PARD3B: variants seen among roughly 807,000 people sequenced by gnomAD.
The protein encoded by PARD3B is par-3 family cell polarity regulator beta.
A neutral mutation model predicts 130.2 loss-of-function variants in PARD3B; 103 were observed. That is an observed-to-expected ratio of 0.79 (90% CI 0.67 to 0.93). The LOEUF (loss-of-function observed/expected upper bound fraction) is 0.93, where lower values mean the gene tolerates loss of function less well. PARD3B is among the 40% of genes least tolerant of loss of function. The pLI is 0.00. For synonymous variants in PARD3B, 583 were observed against 553.2 expected (o/e 1.05, Z -0.76); for missense variants, 1,609 against 1,499.2 (o/e 1.07, Z -1.21).
intron 10 of PARD3B, among the ~76,000 whole-genome samples, chr2:205,144,727 T>C (rs545703073): frequency 6.6e-6 from 1 of 152,314 alleles, no homozygotes; most frequent in African/African-American, 2.4e-5. Context: ...TTTAAGTGGT[T>C]GTTACCCACT....
rs78712954 is a variant in PARD3B at position 204,592,350 on chromosome 2, A to G, written c.120+46231A>G. Among the ~76,000 whole-genome samples the G allele has an allele frequency of 1.9e-3, 285 of 152,328 alleles. 3 individuals are homozygous for G. Among genetic ancestry groups the G allele is most frequent in the African/African-American group, 6.6e-3 (275 of 41,576 alleles). On this transcript the variant is annotated intron_variant, in intron 1 of 22. Coordinates refer to ENST00000406610, the MANE Select transcript of PARD3B (RefSeq NM_001302769.2). ...TGTGAGCTTATTTAACCCCTATGTA[A>G]AGAGATTATTTTGGTAACAAGAGGT...
At chr2:204,797,279 A>G (rs2042408926) in intron 2 of PARD3B, among the ~76,000 whole-genome samples, 1 of 152,148 alleles carries the variant, frequency 6.6e-6, no homozygotes, top group South Asian at 2.1e-4. Flanking sequence ...GAATTATAAC[A>G]TATGAAATAA....
intron 1 of PARD3B, among the ~76,000 whole-genome samples, chr2:204,605,223 A>G (rs939236168): frequency 6.6e-6 from 1 of 152,122 alleles, no homozygotes; most frequent in African/African-American, 2.4e-5. Flanking sequence ...ATTCAAGGAG[A>G]GGGGAATTAG....
chr2:205,129,901 A>T (rs1234805682), intron 10 of PARD3B, among the ~76,000 whole-genome samples: 1 of 152,138 alleles, frequency 6.6e-6, no homozygotes, highest in Non-Finnish European at 1.5e-5. Flanking sequence ...CCTGCCACCT[A>T]AAAGAACTGT....
chr2:205,168,659 CTT>C lies in PARD3B; in HGVS notation c.1621-3537_1621-3536del, dbSNP rs541871516. ...ATGTCTAGCTAAGTAGGTAGACAGC[CTT>C]TTTTTTTTTTTTTTCCCTCCTCTGG... On this transcript the variant is annotated intron_variant, in intron 11 of 22. Coordinates refer to ENST00000406610, the MANE Select transcript of PARD3B (RefSeq NM_001302769.2). Among the ~76,000 whole-genome samples the C allele has an allele frequency of 2.6e-4, 34 of 132,982 alleles. No homozygotes were observed. The East Asian group carries it at 2.8e-3, about 11-fold the overall frequency. The allele number at this position is 132,982 out of a possible 152,430, so 87.2% of individuals were successfully genotyped here. A position where few individuals can be genotyped will look rare whatever the true frequency, so the allele number is the denominator to read the frequency against.
At chr2:205,401,831 A>G (rs1176301755) in intron 19 of PARD3B, among the ~76,000 whole-genome samples, 1 of 152,240 alleles carries the variant, frequency 6.6e-6, no homozygotes, top group Non-Finnish European at 1.5e-5. Context: ...CTTTGCCTTC[A>G]CAACTAAATG....
At chr2:205,108,697 C>G (rs1277311060) in intron 5 of PARD3B, among the ~76,000 whole-genome samples, 3 of 152,090 alleles carry the variant, frequency 2.0e-5, no homozygotes, top group Non-Finnish European at 4.4e-5. Context: ...CTTCCTAATC[C>G]TGTACCCTCC....
rs540973081 is a variant in PARD3B, at chr2:204,776,313, A to T, written c.222+90031A>T. ...GAGTTTACACGTGTGGTTTGATGGG[A>T]TGACAAGCATTAATTAAGATTTTTA... is the stretch of plus-strand genomic sequence containing the variant. On this transcript the variant is annotated intron_variant, in intron 2 of 22. Coordinates refer to ENST00000406610, the MANE Select transcript of PARD3B (RefSeq NM_001302769.2). 2.0e-5 allele frequency among the ~76,000 whole-genome samples: 3 copies of T among 152,242 alleles called. No homozygotes were observed. In the South Asian group the frequency reaches 6.2e-4, roughly 32 times the overall value.
chr2:205,094,996 A>G lies in PARD3B; in HGVS notation c.505-9430A>G, dbSNP rs183632516. On this transcript the variant is annotated intron_variant, in intron 4 of 22. Transcript: ENST00000406610. ...TAGTACCATATAAATGTCCATTTTG[A>G]CAGACCTGGATTCTAAATATTTGAG... Among the ~76,000 whole-genome samples, 95 of 152,288 alleles carry G rather than the reference A, an allele frequency of 6.2e-4. 1 individual carries two copies. The highest frequency in any genetic ancestry group is 6.8e-3 in the Middle Eastern group (2 of 294).
intron 21 of PARD3B, among the ~76,000 whole-genome samples, chr2:205,541,523 A>G (rs938330470): frequency 1.3e-5 from 2 of 151,834 alleles, no homozygotes; most frequent in Middle Eastern, 3.2e-3. Flanking sequence ...TAATTTTTGT[A>G]TTTTTAGTAG....
At chr2:205,022,204 G>A (rs1265699112) in intron 3 of PARD3B, among the ~76,000 whole-genome samples, 1 of 152,052 alleles carries the variant, frequency 6.6e-6, no homozygotes, top group African/African-American at 2.4e-5. Flanking sequence ...AAAACATACT[G>A]GCTTCCCTAT....
chr2:204,905,841 A>G (rs2047024793), intron 2 of PARD3B, among the ~76,000 whole-genome samples: 1 of 152,220 alleles, frequency 6.6e-6, no homozygotes, highest in African/African-American at 2.4e-5. Flanking sequence ...ATGACTCTTG[A>G]GGACCAGTAG....
chr2:205,109,934 G>A (rs1036649053), intron 5 of PARD3B, among the ~76,000 whole-genome samples: 2 of 152,066 alleles, frequency 1.3e-5, no homozygotes, highest in Non-Finnish European at 2.9e-5. Context: ...GATTACAGAC[G>A]TGAGCCAACG....
chr2:205,351,147 G>A lies in PARD3B; in HGVS notation c.2630+49446G>A, dbSNP rs2043981741. ...ATTTTCTGGAATAAAATACAGAGTT[G>A]AAGTGAAATCATGGAAACTGCTGTT... is the stretch of plus-strand genomic sequence containing the variant. On this transcript the variant is annotated intron_variant, in intron 18 of 22. Coordinates refer to ENST00000406610, the MANE Select transcript of PARD3B (RefSeq NM_001302769.2). The surrounding 1 kb of genome is among the most constrained non-coding windows in gnomAD (Gnocchi z 4.2). Among the ~76,000 whole-genome samples the A allele has an allele frequency of 6.6e-6, 1 of 152,136 alleles. No homozygotes were observed. The highest frequency in any genetic ancestry group is 1.5e-5 in the Non-Finnish European group (1 of 68,028).
chr2:204,871,475 G>A (rs1421132587), intron 2 of PARD3B, among the ~76,000 whole-genome samples: 1 of 151,924 alleles, frequency 6.6e-6, no homozygotes, highest in Non-Finnish European at 1.5e-5. Flanking sequence ...GTATGAGACA[G>A]AATAACATTT....
Position 205,006,210 on chromosome 2 carries a change from T to G in PARD3B, c.394+40887T>G, listed in dbSNP as rs568368442. On this transcript the variant is annotated intron_variant, in intron 3 of 22. Coordinates refer to ENST00000406610, the MANE Select transcript of PARD3B (RefSeq NM_001302769.2). ...TACCACATTGTTTTTATCCACTCAT[T>G]GGTCAATGGACACTTTAGGTTGGTT... Among the ~76,000 whole-genome samples the G allele has an allele frequency of 2.4e-3, 360 of 152,340 alleles. 2 individuals are homozygous for G. Among genetic ancestry groups the G allele is most frequent in the Non-Finnish European group, 3.9e-3 (264 of 68,040 alleles).
At chr2:205,439,291 G>A (rs1455973820) in intron 19 of PARD3B, among the ~76,000 whole-genome samples, 1 of 152,042 alleles carries the variant, frequency 6.6e-6, no homozygotes, top group African/African-American at 2.4e-5. Flanking sequence ...AGGACATCAA[G>A]TTTGTCCCAT....
chr2:204,710,860 T>G (rs1330326766), intron 2 of PARD3B, among the ~76,000 whole-genome samples: 1 of 152,182 alleles, frequency 6.6e-6, no homozygotes, highest in Non-Finnish European at 1.5e-5. Context: ...GCTCTTAAGC[T>G]GAAAAGTAAT....
intron 1 of PARD3B, among the ~76,000 whole-genome samples, chr2:204,574,589 T>G (rs2032161090): frequency 6.6e-6 from 1 of 152,244 alleles, no homozygotes; most frequent in Non-Finnish European, 1.5e-5. Flanking sequence ...TAGATTGAAG[T>G]ACAAGCTCTG....
Sources: allele counts gnomAD v4.1 joint callset (sites outside exome capture counted in the v4.1 genomes callset), GRCh38; gene constraint gnomAD v4.1.1; non-coding constraint Gnocchi (gnomAD v3.1); transcripts MANE v1.5; gene names NCBI Gene and HGNC (gene_info 2026-07-23, HGNC 2026-07-21).